CNTN5: variants seen among roughly 807,000 people sequenced by gnomAD.
The protein encoded by CNTN5 is contactin 5.
In CNTN5, 77 loss-of-function variants were observed where a neutral mutation model predicts 129.1. That is an observed-to-expected ratio of 0.60 (90% CI 0.50 to 0.72). CNTN5 has a LOEUF of 0.72. Ranked by LOEUF, CNTN5 falls within the 30% of genes least tolerant of loss-of-function variation. The pLI is 0.00. For missense variants in CNTN5, 1,478 were observed against 1,328.8 expected (o/e 1.11, Z -1.75); for synonymous variants, 509 against 465.6 (o/e 1.09, Z -1.20).
intron 2 of CNTN5, among the ~76,000 whole-genome samples, chr11:99,504,269 G>A (rs927359581): frequency 2.6e-5 from 4 of 152,074 alleles, no homozygotes; most frequent in South Asian, 2.1e-4. Flanking sequence ...GTGGCTGGGC[G>A]TGATGGCTCA....
chr11:100,245,204 C>T lies in CNTN5; in HGVS notation c.2006-10556C>T, dbSNP rs143595033. ...CATCATCTACAATTTTGGCCCTACA[C>T]TAAGGCTGGTTTCCACTGTAATCAC... On this transcript the variant is annotated intron_variant, in intron 16 of 24. Transcript: ENST00000524871. 5.8e-3 allele frequency among the ~76,000 whole-genome samples: 876 copies of T among 152,258 alleles called. 8 individuals carry two copies. Among genetic ancestry groups the T allele is most frequent in the Non-Finnish European group, 9.1e-3 (621 of 68,010 alleles).
rs548305601 is a variant in CNTN5 at position 99,090,234 on chromosome 11, T to G, written c.-210+68964T>G. Among the ~76,000 whole-genome samples the G allele has an allele frequency of 9.5e-4, 144 of 152,064 alleles. 1 individual carries two copies. The highest frequency in any genetic ancestry group is 3.4e-3 in the African/African-American group (141 of 41,430). Reference sequence around the variant, plus strand: ...TGACATCAAGAACCACTTATGTTTTTTAATGCGAATTTTTTTCTTTTAAAT... The same window carrying G: ...TGACATCAAGAACCACTTATGTTTTGTAATGCGAATTTTTTTCTTTTAAAT... On this transcript the variant is annotated intron_variant, in intron 1 of 24. Coordinates refer to ENST00000524871, the MANE Select transcript of CNTN5 (RefSeq NM_014361.4).
chr11:100,127,665 T>C (rs951702151), intron 13 of CNTN5, among the ~76,000 whole-genome samples: 2 of 137,060 alleles, frequency 1.5e-5, no homozygotes, highest in Non-Finnish European at 3.1e-5. Flanking sequence ...TTTTTTTTTT[T>C]TTTTTTTTTT....
At chr11:99,795,941 A>G (rs772843762) in intron 3 of CNTN5, among the ~76,000 whole-genome samples, 1 of 152,198 alleles carries the variant, frequency 6.6e-6, no homozygotes, top group Non-Finnish European at 1.5e-5. Context: ...TTTCAGTGGG[A>G]TCTGTCCTCA....
chr11:100,135,232 G>GT (rs1405228621), intron 13 of CNTN5, among the ~76,000 whole-genome samples: 31 of 146,338 alleles, frequency 2.1e-4, no homozygotes, highest in African/African-American at 7.0e-4. Flanking sequence ...CTGGAGTGCA[G>GT]TGGCATGATC....
chr11:99,737,577 A>G (rs572921632), intron 3 of CNTN5, among the ~76,000 whole-genome samples: 12 of 152,292 alleles, frequency 7.9e-5, no homozygotes, highest in African/African-American at 2.9e-4. Flanking sequence ...AACATAGGGA[A>G]AGCACTGAAA....
At chr11:99,454,616 A>C (rs1028093817) in intron 2 of CNTN5, among the ~76,000 whole-genome samples, 8 of 152,204 alleles carry the variant, frequency 5.3e-5, no homozygotes, top group Non-Finnish European at 1.2e-4. Context: ...AAGTTTCCTG[A>C]GGCCTCCCCA....
At chr11:99,095,812 G>A (rs1434260149) in intron 1 of CNTN5, among the ~76,000 whole-genome samples, 1 of 151,808 alleles carries the variant, frequency 6.6e-6, no homozygotes, top group Admixed American at 6.6e-5. Flanking sequence ...CAGGAGCCAC[G>A]AACTTTATGT....
At position 100,085,733 on chromosome 11, in the gene CNTN5, A is replaced by G. The variant is rs142194205; in HGVS notation, c.1580+11439A>G. Among the ~76,000 whole-genome samples, 1,328 of 152,234 alleles carry G rather than the reference A, an allele frequency of 8.7e-3. 21 individuals carry two copies. Among genetic ancestry groups the G allele is most frequent in the African/African-American group, 0.028 (1,146 of 41,566 alleles). On this transcript the variant is annotated intron_variant, in intron 13 of 24. Coordinates refer to ENST00000524871, the MANE Select transcript of CNTN5 (RefSeq NM_014361.4). ...TTATAAATAATTAAATCATAGAGAG[A>G]CTGCCTAAGCACACACACTCGTAAC...
At chr11:99,333,555 T>C (rs11603474) in intron 2 of CNTN5, among the ~76,000 whole-genome samples, 15,036 of 152,070 alleles carry the variant, frequency 0.099, 761 homozygotes, top group South Asian at 0.15. Context: ...ATTTTATAAT[T>C]ACTTTCTGAA....
intron 10 of CNTN5, 30 bp downstream of exon 10, chr11:100,061,423 C>T: frequency 6.8e-7 from 1 of 1,471,490 alleles, no homozygotes; most frequent in East Asian, 2.3e-5. Flanking sequence ...CATGATTGCT[C>T]TAGTCCCAAA....
intron 1 of CNTN5, among the ~76,000 whole-genome samples, chr11:99,192,382 A>C (rs1858687848): frequency 6.6e-6 from 1 of 151,898 alleles, no homozygotes; most frequent in Admixed American, 6.6e-5. Flanking sequence ...CCAATCATGT[A>C]GGCTACTTTT....
At chr11:99,099,040 A>G (rs1866600807) in intron 1 of CNTN5, among the ~76,000 whole-genome samples, 1 of 152,126 alleles carries the variant, frequency 6.6e-6, no homozygotes, top group African/African-American at 2.4e-5. Flanking sequence ...CTTCCTTAGA[A>G]CAGATGGACT....
chr11:99,872,067 A>G (rs4753960), intron 6 of CNTN5, among the ~76,000 whole-genome samples: 118,163 of 151,824 alleles, frequency 0.78, 46,581 homozygotes, highest in East Asian at 0.91. Context: ...ATATTTATGA[A>G]CACTGTATTC....
chr11:99,942,537 A>G (rs1043772853), intron 7 of CNTN5, among the ~76,000 whole-genome samples: 1 of 152,086 alleles, frequency 6.6e-6, no homozygotes, highest in South Asian at 2.1e-4. Flanking sequence ...TAAATCTTTA[A>G]GTTCTGGGAT....
rs1026873807 is a variant in CNTN5 at position 99,761,473 on chromosome 11, G to A, written c.56-58071G>A. On this transcript the variant is annotated intron_variant, in intron 3 of 24. Transcript: ENST00000524871. ...ATGTTCCCCTTCGTGTGTCCATGTG[G>A]TCTCATTGTTCAATTCCCACCTATG... Among the ~76,000 whole-genome samples the A allele has an allele frequency of 6.0e-4, 91 of 151,724 alleles. 1 individual carries two copies. Among genetic ancestry groups the A allele is most frequent in the African/African-American group, 2.1e-3 (88 of 41,424 alleles).
intron 21 of CNTN5, among the ~76,000 whole-genome samples, chr11:100,314,347 A>C (rs985997674): frequency 1.3e-5 from 2 of 152,174 alleles, no homozygotes; most frequent in African/African-American, 4.8e-5. Flanking sequence ...AAAGAGTGAA[A>C]AGAAGTCAAA....
rs531385512 is a variant in CNTN5, at chr11:99,896,759, G to C, written c.578-19295G>C. On this transcript the variant is annotated intron_variant, in intron 6 of 24. Coordinates refer to ENST00000524871, the MANE Select transcript of CNTN5 (RefSeq NM_014361.4). ...AAATTTAGAACTCCTTGTGTGGGAG[G>C]GAGGTTCAAGCACACAACATGCCCC... 2.0e-5 allele frequency among the ~76,000 whole-genome samples: 3 copies of C among 152,250 alleles called. No homozygotes were observed. The South Asian group carries it at 6.2e-4, about 32-fold the overall frequency.
At chr11:99,094,505 T>C (rs1190670319) in intron 1 of CNTN5, among the ~76,000 whole-genome samples, 1 of 151,986 alleles carries the variant, frequency 6.6e-6, no homozygotes, top group Non-Finnish European at 1.5e-5. Context: ...AAAATCTCAG[T>C]GATTAAAGTG....
Sources: allele counts gnomAD v4.1 joint callset (sites outside exome capture counted in the v4.1 genomes callset), GRCh38; gene constraint gnomAD v4.1.1; transcripts MANE v1.5; gene names NCBI Gene and HGNC (gene_info 2026-07-23, HGNC 2026-07-21).